Variants in DHX29 observed in about 807,000 individuals in gnomAD.
The protein encoded by DHX29 is DExH-box helicase 29.
Under a neutral mutation model 167.9 loss-of-function variants are expected in DHX29, and 79 were observed. The observed-to-expected ratio is 0.47, with a 90% confidence interval of 0.39 to 0.57. The LOEUF is 0.57. DHX29 is among the 20% of genes least tolerant of loss of function. DHX29 has a pLI of 0.00. For missense variants in DHX29, 1,347 were observed against 1,593.4 expected (o/e 0.85, Z 2.63); for synonymous variants, 530 against 546.0 (o/e 0.97, Z 0.41).
intron 17 of DHX29, among the ~76,000 whole-genome samples, chr5:55,272,649 C>T (rs933632890): frequency 6.6e-6 from 1 of 152,126 alleles, no homozygotes; most frequent in Non-Finnish European, 1.5e-5. Context: ...AGCAGAATCG[C>T]TTGAACCCAG....
chr5:55,284,229 A>G (rs1191014404), intron 10 of DHX29, among the ~76,000 whole-genome samples: 1 of 152,196 alleles, frequency 6.6e-6, no homozygotes, highest in Admixed American at 6.5e-5. Flanking sequence ...TATTCTCGGA[A>G]TATGTTGAAC....
chr5:55,285,287 T>G lies in DHX29; in HGVS notation c.1356+6A>C. On this transcript the variant is annotated splice_donor_region_variant and intron_variant, in intron 10 of 26. Transcript: ENST00000251636. ...TACAGATATAGTTAGGCCTAAAAAGTCTTACCTGCCCTTTAACTAAACGGT... is the reference window on the plus strand; with the variant it reads ...TACAGATATAGTTAGGCCTAAAAAGGCTTACCTGCCCTTTAACTAAACGGT... The G allele has an allele frequency of 1.2e-6, 2 of 1,613,158 alleles. No individual in the cohort carries two copies. The highest frequency in any genetic ancestry group is 1.7e-5 in the Admixed American group (1 of 59,830).
chr5:55,296,269 T>C lies in DHX29; in HGVS notation c.456A>G (p.Gly152=). The change falls in exon 4 of 27, where the codon GGA becomes GGG. Residue 152 remains glycine (G), a synonymous_variant. Coordinates refer to ENST00000251636, the MANE Select transcript of DHX29 (RefSeq NM_019030.4). The stretch of plus-strand genomic sequence containing the variant: ...AATCCAAGGCAGAATGAAGGTCACC[T>C]CCATATAAGAGTGTATTGGTCATGG... The part of the protein sequence containing the change: ...EDAMTNTLLY[G]GDLHSALDWL... 1 of 1,613,524 alleles carries C rather than the reference T, an allele frequency of 6.2e-7. No homozygotes were observed. The highest frequency in any genetic ancestry group is 8.5e-7 in the Non-Finnish European group (1 of 1,179,652).
chr5:55,280,111 T>C (rs1182008418), intron 12 of DHX29, among the ~76,000 whole-genome samples: 2 of 152,186 alleles, frequency 1.3e-5, no homozygotes, highest in African/African-American at 4.8e-5. Context: ...TCCTGTATAA[T>C]GTCATGGACT....
chr5:55,307,413 CCGGCAGCGGCAG>C lies in DHX29; in HGVS notation c.149_160del (p.Ala50_Ala53del), dbSNP rs752682712. 1.2e-6 allele frequency: 2 copies of C among 1,612,974 alleles called. No homozygotes were observed. Among genetic ancestry groups the C allele is most frequent in the Non-Finnish European group, 1.7e-6 (2 of 1,179,776 alleles). ...TTGCTTGACACGGGGCTCCCTGGAG[CCGGCAGCGGCAG>C]CGGCAGCGGTGGCCGGCCTGGACAC... On this transcript the variant is annotated inframe_deletion, in exon 1 of 27. Coordinates refer to ENST00000251636, the MANE Select transcript of DHX29 (RefSeq NM_019030.4).
intron 16 of DHX29, among the ~76,000 whole-genome samples, chr5:55,274,296 G>C (rs1441574907): frequency 6.6e-6 from 1 of 152,076 alleles, no homozygotes; most frequent in East Asian, 1.9e-4. Flanking sequence ...TGCTCAGGAG[G>C]CTGAGGTGGG....
rs183944259 is a variant in DHX29 at position 55,292,676 on chromosome 5, C to T, written c.780+1341G>A. 7.9e-5 allele frequency among the ~76,000 whole-genome samples: 12 copies of T among 152,250 alleles called. No individual in the cohort carries two copies. In the East Asian group the frequency reaches 2.1e-3, roughly 27 times the overall value. On this transcript the variant is annotated intron_variant, in intron 6 of 26. Coordinates refer to ENST00000251636, the MANE Select transcript of DHX29 (RefSeq NM_019030.4). ...GAACTCACCTGTTTACTCCTATCTA[C>T]CAGTACTCATCTATACATCTTATCT...
intron 23 of DHX29, 145 bp downstream of exon 23, chr5:55,266,993 G>C: frequency 2.0e-6 from 1 of 501,818 alleles, no homozygotes; most frequent in Non-Finnish European, 3.4e-6. Flanking sequence ...CTGGAAGAAA[G>C]AAGTACAATC....
chr5:55,259,852 A>C lies in DHX29; in HGVS notation c.4053T>G (p.Leu1351=). 3.8e-6 allele frequency: 6 copies of C among 1,567,956 alleles called. No homozygotes were observed. Among genetic ancestry groups the C allele is most frequent in the East Asian group, 2.2e-5 (1 of 44,606 alleles). Residue 1351 remains leucine (L), a synonymous_variant, in exon 26 of 27, where the codon CTT becomes CTG. Coordinates refer to ENST00000251636, the MANE Select transcript of DHX29 (RefSeq NM_019030.4). ...RKKLENPKMS[L]ENDKILQIIT... ...CACTTATAAGCAAACACTTACTTTC[A>C]AGGGACATCTTTGGATTTTCAAGCT... is the stretch of plus-strand genomic sequence containing the variant.
chr5:55,291,808 T>C (rs1748061014), intron 6 of DHX29, among the ~76,000 whole-genome samples: 1 of 152,242 alleles, frequency 6.6e-6, no homozygotes, highest in Non-Finnish European at 1.5e-5. Flanking sequence ...TCACTTAGCA[T>C]AATGTCGGTC....
Position 55,302,592 on chromosome 5 carries a change from CAAA to C in DHX29, c.188-3931_188-3929del, listed in dbSNP as rs3990285. Among the ~76,000 whole-genome samples the C allele has an allele frequency of 6.9e-3, 474 of 68,294 alleles. 3 individuals carry two copies. The highest frequency in any genetic ancestry group is 0.033 in the Middle Eastern group (4 of 120). The allele number at this position is 68,294 out of a possible 152,430, so 44.8% of individuals were successfully genotyped here. A position where few individuals can be genotyped will look rare whatever the true frequency, so the allele number is the denominator to read the frequency against. On this transcript the variant is annotated intron_variant, in intron 1 of 26. Coordinates refer to ENST00000251636, the MANE Select transcript of DHX29 (RefSeq NM_019030.4). ...CCACTGGGCGACAGAGTGACCCTATCAAAAAAAAAAAAAAAAAAAACTGGTTGG... is the reference window on the plus strand; with the variant it reads ...CCACTGGGCGACAGAGTGACCCTATCAAAAAAAAAAAAAAAAACTGGTTGG...
intron 17 of DHX29, among the ~76,000 whole-genome samples, chr5:55,272,899 A>T: frequency 6.6e-6 from 1 of 152,290 alleles, no homozygotes; most frequent in Non-Finnish European, 1.5e-5. Flanking sequence ...GACCTACCCA[A>T]TGGTTTATGT....
rs1226264777 is a variant in DHX29, at chr5:55,274,748, G to T, written c.2573-17C>A. 6.4e-7 allele frequency: 1 copy of T among 1,571,670 alleles called. No homozygotes were observed. The highest frequency in any genetic ancestry group is 1.4e-5 in the African/African-American group (1 of 72,366). The stretch of plus-strand genomic sequence containing the variant: ...GACTTTTATCTGAAATTTTTAAAAA[G>T]ATACAATATTCAAAATAAGAAGATA... On this transcript the variant is annotated splice_polypyrimidine_tract_variant and intron_variant, in intron 15 of 26. Coordinates refer to ENST00000251636, the MANE Select transcript of DHX29 (RefSeq NM_019030.4).
At chr5:55,291,747 C>A (rs1748056939) in intron 6 of DHX29, among the ~76,000 whole-genome samples, 1 of 152,172 alleles carries the variant, frequency 6.6e-6, no homozygotes, top group Non-Finnish European at 1.5e-5. Flanking sequence ...GACTTAGGAA[C>A]CTCATATAAG....
intron 6 of DHX29, 43 bp from the exon 7 acceptor site, chr5:55,290,387 A>G: frequency 6.4e-7 from 1 of 1,552,806 alleles, no homozygotes. Context: ...AAAAAAGAAG[A>G]GCAAGATTAG....
chr5:55,277,343 T>C (rs1016441587), intron 12 of DHX29, 61 bp from the exon 13 acceptor site: 38 of 1,154,470 alleles, frequency 3.3e-5, no homozygotes, highest in East Asian at 2.0e-4. Flanking sequence ...AGTAAGAGGC[T>C]TGAACAATCA....
chr5:55,295,665 A>C, intron 4 of DHX29, 141 bp from the exon 5 acceptor site: 1 of 792,764 alleles, frequency 1.3e-6, no homozygotes, highest in Non-Finnish European at 2.0e-6. Context: ...AAGAATAGAA[A>C]TCTTAAGATG....
At chr5:55,272,761 T>A (rs1746915348) in intron 17 of DHX29, among the ~76,000 whole-genome samples, 1 of 151,888 alleles carries the variant, frequency 6.6e-6, no homozygotes, top group African/African-American at 2.4e-5. Flanking sequence ...CAAAAAAACA[T>A]AAGTAGAATG....
chr5:55,264,028 C>T (rs892943135), intron 23 of DHX29, among the ~76,000 whole-genome samples: 1 of 151,840 alleles, frequency 6.6e-6, no homozygotes, highest in Non-Finnish European at 1.5e-5. Context: ...AGTGAGGTGG[C>T]TCACACCTGT....
Sources: gnomAD v4.1 joint callset for allele counts (sites outside exome capture counted in the v4.1 genomes callset) on GRCh38, gnomAD v4.1.1 for gene constraint, MANE v1.5 for transcripts, NCBI Gene and HGNC (gene_info 2026-07-23, HGNC 2026-07-21) for gene names.